DNM3: variants seen among roughly 807,000 people sequenced by gnomAD.
The protein encoded by DNM3 is dynamin 3.
DNM3 carries 47 observed loss-of-function variants against 101.6 expected under a neutral mutation model. That is an observed-to-expected ratio of 0.46 (90% CI 0.37 to 0.59). The LOEUF (loss-of-function observed/expected upper bound fraction) is 0.59, where lower values mean the gene tolerates loss of function less well. Among genes scored for constraint, DNM3 ranks in the 20% least tolerant of loss-of-function variants. The pLI is 0.00. For missense variants in DNM3, 849 were observed against 1,085.7 expected, an observed-to-expected ratio of 0.78 and a Z score of 3.06; for synonymous variants, 385 against 387.9, an observed-to-expected ratio of 0.99 and a Z score of 0.09.
intron 14 of DNM3, among the ~76,000 whole-genome samples, chr1:172,218,893 G>A (rs750147430): frequency 6.6e-6 from 1 of 152,036 alleles, no homozygotes; most frequent in African/African-American, 2.4e-5. Flanking sequence ...AGGTAAAGAG[G>A]GTTGGAGCGG....
chr1:171,879,762 A>G (rs1265065891), intron 1 of DNM3, among the ~76,000 whole-genome samples: 1 of 152,218 alleles, frequency 6.6e-6, no homozygotes, highest in Non-Finnish European at 1.5e-5. Context: ...CACAACCAGG[A>G]GTCACGAAGC....
intron 15 of DNM3, among the ~76,000 whole-genome samples, chr1:172,258,153 A>ATAG (rs2062494136): frequency 6.6e-6 from 1 of 152,056 alleles, no homozygotes; most frequent in Non-Finnish European, 1.5e-5. Flanking sequence ...CCACTGTGTA[A>ATAG]ATATACCACC....
At chr1:171,872,715 G>A (rs984192152) in intron 1 of DNM3, among the ~76,000 whole-genome samples, 2 of 152,022 alleles carry the variant, frequency 1.3e-5, no homozygotes, top group Non-Finnish European at 2.9e-5. Flanking sequence ...AAGAGAAAAT[G>A]TGGAAAGTCG....
intron 14 of DNM3, among the ~76,000 whole-genome samples, chr1:172,219,965 A>C (rs531118206): frequency 3.3e-5 from 5 of 152,332 alleles, no homozygotes; most frequent in Non-Finnish European, 7.4e-5. Context: ...TTCAGTTTAA[A>C]GTCAGCTTTT....
chr1:172,387,114 C>A lies in DNM3; in HGVS notation c.2059-19C>A. 1 of 1,593,560 alleles carries A rather than the reference C, an allele frequency of 6.3e-7. No homozygotes were observed. The highest frequency in any genetic ancestry group is 1.1e-5 in the South Asian group (1 of 90,568). On this transcript the variant is annotated intron_variant, in intron 18 of 20. Coordinates refer to ENST00000627582, the MANE Select transcript of DNM3 (RefSeq NM_015569.5). ...CACTCATTTATTCCCATTTTTATTT[C>A]TCTGTGGTGATCTGACAGGTTAAAG... is the stretch of plus-strand genomic sequence containing the variant.
intron 4 of DNM3, among the ~76,000 whole-genome samples, chr1:172,006,444 C>A (rs1423977785): frequency 6.6e-6 from 1 of 151,974 alleles, no homozygotes; most frequent in African/African-American, 2.4e-5. Flanking sequence ...GACTCAGAGG[C>A]TTTTTCAGGC....
chr1:171,878,744 T>C (rs1289084338), intron 1 of DNM3, among the ~76,000 whole-genome samples: 1 of 152,198 alleles, frequency 6.6e-6, no homozygotes, highest in Non-Finnish European at 1.5e-5. Flanking sequence ...ATCGTTTTAA[T>C]CCCTAGTGGT....
chr1:172,077,256 C>CA (rs1296479885), intron 11 of DNM3, among the ~76,000 whole-genome samples: 20 of 151,304 alleles, frequency 1.3e-4, no homozygotes, highest in South Asian at 6.3e-4. Context: ...TTAATCTTTT[C>CA]AAAAAAAACA....
At chr1:171,983,341 C>A (rs1429062941) in intron 2 of DNM3, among the ~76,000 whole-genome samples, 1 of 92,926 alleles carries the variant, frequency 1.1e-5, no homozygotes, top group Non-Finnish European at 2.2e-5. Context: ...GCCTGTAGTC[C>A]CAGCTACTCA....
chr1:172,096,446 G>A (rs990811540), intron 13 of DNM3, among the ~76,000 whole-genome samples: 2 of 152,180 alleles, frequency 1.3e-5, no homozygotes, highest in Admixed American at 1.3e-4. Flanking sequence ...GGGCTTGGGT[G>A]TTTGTACTGA....
At chr1:172,360,168 G>T (rs2149006692) in intron 17 of DNM3, among the ~76,000 whole-genome samples, 1 of 151,940 alleles carries the variant, frequency 6.6e-6, no homozygotes, top group African/African-American at 2.4e-5. Flanking sequence ...ATATCCCTCT[G>T]GGTAAATAAC....
At chr1:172,213,678 A>C (rs1433035359) in intron 14 of DNM3, among the ~76,000 whole-genome samples, 2 of 151,878 alleles carry the variant, frequency 1.3e-5, no homozygotes, top group East Asian at 3.9e-4. Context: ...AAAAGCAAAA[A>C]ATTAGCGAGG....
chr1:172,058,536 G>T (rs1475213960), intron 10 of DNM3, among the ~76,000 whole-genome samples: 1 of 152,020 alleles, frequency 6.6e-6, no homozygotes. Context: ...TCAGGATTAA[G>T]AATCTCACTG....
intron 9 of DNM3, among the ~76,000 whole-genome samples, chr1:172,046,771 G>A (rs2049846022): frequency 6.6e-6 from 1 of 152,046 alleles, no homozygotes; most frequent in Non-Finnish European, 1.5e-5. Context: ...TGTAGAAACT[G>A]TTTTGCTTTT....
At chr1:172,392,107 T>C (rs201534751) in intron 20 of DNM3, among the ~76,000 whole-genome samples, 1 of 152,134 alleles carries the variant, frequency 6.6e-6, no homozygotes, top group Non-Finnish European at 1.5e-5. Flanking sequence ...AGAGAGGTGG[T>C]GGAGTCATTT....
At chr1:172,294,569 C>G (rs12563643) in intron 15 of DNM3, among the ~76,000 whole-genome samples, 27,318 of 152,082 alleles carry the variant, frequency 0.18, 2,637 homozygotes, top group East Asian at 0.25. Flanking sequence ...TTACTACCAA[C>G]TTTACAGGAT....
intron 20 of DNM3, among the ~76,000 whole-genome samples, chr1:172,401,049 A>G (rs1469226584): frequency 1.3e-5 from 2 of 152,170 alleles, no homozygotes; most frequent in African/African-American, 4.8e-5. Context: ...TCTTCAGGGC[A>G]GTGACTCTTT....
chr1:172,142,706 G>A lies in DNM3; in HGVS notation c.1659+11418G>A, dbSNP rs1418132878. 1.6e-4 allele frequency among the ~76,000 whole-genome samples: 22 copies of A among 141,032 alleles called. No individual in the cohort carries two copies. In the South Asian group the frequency reaches 2.4e-3, roughly 16 times the overall value. 92.5% of individuals were successfully genotyped at this position (141,032 alleles called of 152,430 possible). The stretch of plus-strand genomic sequence containing the variant: ...GAAATTAAATATACATTAAATGAAA[G>A]CAAATTTTGAAATGTAATCATTTCT... On this transcript the variant is annotated intron_variant, in intron 14 of 20. Coordinates refer to ENST00000627582, the MANE Select transcript of DNM3 (RefSeq NM_015569.5).
chr1:171,868,687 C>A (rs991778006), intron 1 of DNM3, among the ~76,000 whole-genome samples: 3 of 152,168 alleles, frequency 2.0e-5, no homozygotes, highest in African/African-American at 7.2e-5. Flanking sequence ...GGATGAGCCT[C>A]TCTCTATTTA....
Sources: allele counts gnomAD v4.1 joint callset (sites outside exome capture counted in the v4.1 genomes callset), GRCh38; gene constraint gnomAD v4.1.1; transcripts MANE v1.5; gene names NCBI Gene and HGNC (gene_info 2026-07-23, HGNC 2026-07-21).